LRRC4C: variants seen among roughly 807,000 people sequenced by gnomAD.
The protein encoded by LRRC4C is leucine-rich repeat-containing protein 4C.
LRRC4C carries 5 observed loss-of-function variants against 33.6 expected under a neutral mutation model. The ratio of observed to expected loss-of-function variants is 0.15; its 90% CI spans 0.08 to 0.31. The LOEUF is 0.31. Ranked by LOEUF, LRRC4C falls within the 10% of genes least tolerant of loss-of-function variation. LRRC4C has a pLI of 1.00. For missense variants in LRRC4C, 560 were observed against 796.7 expected (o/e 0.70, Z 3.58); for synonymous variants, 329 against 302.0 (o/e 1.09, Z -0.93).
chr11:41,032,407 C>T (rs1325012188), intron 1 of LRRC4C, among the ~76,000 whole-genome samples: 1 of 151,982 alleles, frequency 6.6e-6, no homozygotes, highest in African/African-American at 2.4e-5. Context: ...CCTGAAGGTT[C>T]CCTATAAACC....
chr11:40,979,076 G>A (rs1852309360), intron 1 of LRRC4C, among the ~76,000 whole-genome samples: 1 of 151,878 alleles, frequency 6.6e-6, no homozygotes, highest in East Asian at 1.9e-4. Context: ...TGTAACCCTT[G>A]ACCTGATCAA....
chr11:40,832,193 T>C (rs1357067083), intron 2 of LRRC4C, among the ~76,000 whole-genome samples: 1 of 152,028 alleles, frequency 6.6e-6, no homozygotes, highest in Non-Finnish European at 1.5e-5. Flanking sequence ...TGCAATACAA[T>C]GGTAAGTATT....
rs558436989 is a variant in LRRC4C at position 41,161,618 on chromosome 11, C to G, written c.-495-227895G>C. 8.5e-5 allele frequency among the ~76,000 whole-genome samples: 13 copies of G among 152,284 alleles called. No individual in the cohort carries two copies. In the East Asian group the frequency reaches 2.5e-3, roughly 29 times the overall value. ...TAGGGTCACCTATGAAAAACTCTAA[C>G]AGTTACTGTTTACTGAAATCCTGAG... On this transcript the variant is annotated intron_variant, in intron 1 of 6. Transcript: ENST00000528697.
chr11:41,391,221 A>C (rs1953579765), intron 1 of LRRC4C, among the ~76,000 whole-genome samples: 1 of 150,396 alleles, frequency 6.6e-6, no homozygotes, highest in South Asian at 2.1e-4. Flanking sequence ...TTCTATACTC[A>C]GTAAGTCCAA....
intron 4 of LRRC4C, among the ~76,000 whole-genome samples, chr11:40,258,172 G>A (rs1229898492): frequency 6.6e-6 from 1 of 152,128 alleles, no homozygotes; most frequent in African/African-American, 2.4e-5. Flanking sequence ...CTGCAGTAGG[G>A]AAAGCTTTTT....
chr11:40,467,087 C>T (rs900656820), intron 3 of LRRC4C, among the ~76,000 whole-genome samples: 14 of 151,998 alleles, frequency 9.2e-5, no homozygotes, highest in Admixed American at 7.9e-4. Flanking sequence ...TTTTCAGAAA[C>T]GGATTGCCAA....
intron 1 of LRRC4C, among the ~76,000 whole-genome samples, chr11:41,309,019 G>T (rs1184384290): frequency 6.6e-6 from 1 of 152,088 alleles, no homozygotes; most frequent in Non-Finnish European, 1.5e-5. Flanking sequence ...GGTCAGGCTG[G>T]TCTCGAACTG....
intron 5 of LRRC4C, among the ~76,000 whole-genome samples, chr11:40,240,004 C>G (rs546010617): frequency 5.3e-5 from 8 of 152,194 alleles, no homozygotes; most frequent in African/African-American, 1.9e-4. Flanking sequence ...TGAATCGGAA[C>G]TGGCATTTTA....
At chr11:40,291,442 T>C (rs893809299) in intron 4 of LRRC4C, among the ~76,000 whole-genome samples, 7 of 152,146 alleles carry the variant, frequency 4.6e-5, no homozygotes, top group African/African-American at 1.7e-4. Context: ...GTTGGAAAGG[T>C]TTCTGGCAAA....
chr11:40,563,642 C>T (rs1443240159), intron 3 of LRRC4C, among the ~76,000 whole-genome samples: 3 of 152,166 alleles, frequency 2.0e-5, no homozygotes, highest in Admixed American at 6.5e-5. Context: ...TGGCACAGAG[C>T]TCCCAAGATG....
chr11:40,964,392 TAA>T (rs1202001013), intron 1 of LRRC4C, among the ~76,000 whole-genome samples: 3 of 151,882 alleles, frequency 2.0e-5, no homozygotes, highest in African/African-American at 7.3e-5. Flanking sequence ...TATTATACGT[TAA>T]GTTTTAGGCT....
intron 1 of LRRC4C, among the ~76,000 whole-genome samples, chr11:41,078,060 G>A (rs544746478): frequency 1.6e-4 from 24 of 152,234 alleles, no homozygotes; most frequent in African/African-American, 4.1e-4. Context: ...TGTGACCTAC[G>A]TTTCAGTTCC....
chr11:41,259,872 T>G (rs1308077321), intron 1 of LRRC4C, among the ~76,000 whole-genome samples: 1 of 150,896 alleles, frequency 6.6e-6, no homozygotes, highest in African/African-American at 2.5e-5. Context: ...TTTAAAAGAC[T>G]GTTAGTTAAT....
Position 40,535,589 on chromosome 11 carries a change from G to C in LRRC4C, c.-270+112553C>G, listed in dbSNP as rs1244042335. Among the ~76,000 whole-genome samples, 3 of 152,190 alleles carry C rather than the reference G, an allele frequency of 2.0e-5. No homozygotes were observed. In the East Asian group the frequency reaches 5.8e-4, roughly 29 times the overall value. On this transcript the variant is annotated intron_variant, in intron 3 of 6. Coordinates refer to ENST00000528697, the MANE Select transcript of LRRC4C (RefSeq NM_001258419.2). ...AGATGCCAACAAAGTTATTTGAAAA[G>C]ATTAGTTTGTGTGTGTGTTTTGTTT... is the stretch of plus-strand genomic sequence containing the variant.
chr11:40,891,444 A>G (rs1233041736), intron 2 of LRRC4C, among the ~76,000 whole-genome samples: 1 of 152,186 alleles, frequency 6.6e-6, no homozygotes, highest in Non-Finnish European at 1.5e-5. Flanking sequence ...AATACCAATG[A>G]CATCCTTCAG....
intron 4 of LRRC4C, among the ~76,000 whole-genome samples, chr11:40,270,041 G>C (rs1215783607): frequency 1.3e-5 from 2 of 152,112 alleles, no homozygotes; most frequent in Non-Finnish European, 2.9e-5. Flanking sequence ...CACTTCTAGG[G>C]AACCCCTACG....
chr11:40,824,934 C>G (rs1236134411), intron 2 of LRRC4C, among the ~76,000 whole-genome samples: 2 of 151,898 alleles, frequency 1.3e-5, no homozygotes, highest in African/African-American at 4.8e-5. Context: ...CACAGCTGGT[C>G]ACTGCTCTTT....
At chr11:40,987,955 G>A (rs1437561687) in intron 1 of LRRC4C, among the ~76,000 whole-genome samples, 1 of 151,852 alleles carries the variant, frequency 6.6e-6, no homozygotes, top group Non-Finnish European at 1.5e-5. Context: ...GACTCCTTGT[G>A]GGATTAAAAA....
At chr11:40,343,403 T>C (rs1946964130) in intron 3 of LRRC4C, among the ~76,000 whole-genome samples, 1 of 152,038 alleles carries the variant, frequency 6.6e-6, no homozygotes, top group Admixed American at 6.6e-5. Flanking sequence ...TGCAGGATTG[T>C]TTTTTAGGTA....
Sources: allele counts gnomAD v4.1 joint callset (sites outside exome capture counted in the v4.1 genomes callset), GRCh38; gene constraint gnomAD v4.1.1; transcripts MANE v1.5; gene names NCBI Gene and HGNC (gene_info 2026-07-23, HGNC 2026-07-21).